SAMD12: variants seen among roughly 807,000 people sequenced by gnomAD.
SAMD12 encodes sterile alpha motif domain containing 12.
A neutral mutation model predicts 15.0 loss-of-function variants in SAMD12; 9 were observed. The observed-to-expected ratio is 0.60, with a 90% CI of 0.36 to 1.05. SAMD12 has a LOEUF of 1.05. Ranked by LOEUF, SAMD12 falls within the 50% of genes least tolerant of loss-of-function variation. The pLI is 0.01. For missense variants in SAMD12, 230 were observed against 234.2 expected, an observed-to-expected ratio of 0.98 and a Z score of 0.12; for synonymous variants, 86 against 90.1, an observed-to-expected ratio of 0.96 and a Z score of 0.25.
chr8:118,507,991 C>CGTT (rs755924168), intron 2 of SAMD12, among the ~76,000 whole-genome samples: 1 of 108,820 alleles, frequency 9.2e-6, no homozygotes, highest in African/African-American at 3.5e-5. Flanking sequence ...GTATAATCTC[C>CGTT]TTTTTTTTTT....
downstream of SAMD12, among the ~76,000 whole-genome samples, chr8:118,189,194 G>A (rs1042586737): frequency 1.3e-5 from 2 of 152,074 alleles, no homozygotes; most frequent in Admixed American, 1.3e-4. Flanking sequence ...CAATTATGCT[G>A]GTGGGATTTG....
chr8:118,547,055 A>T (rs958490081), intron 2 of SAMD12, among the ~76,000 whole-genome samples: 1 of 152,220 alleles, frequency 6.6e-6, no homozygotes, highest in Non-Finnish European at 1.5e-5. Context: ...CTCATTCAGG[A>T]GTAAAGAAAT....
chr8:118,464,117 C>T (rs1039934989), intron 2 of SAMD12, among the ~76,000 whole-genome samples: 1 of 152,290 alleles, frequency 6.6e-6, no homozygotes, highest in African/African-American at 2.4e-5. Flanking sequence ...TATATACTGT[C>T]CTTTACCTTC....
intron 4 of SAMD12, among the ~76,000 whole-genome samples, chr8:118,326,222 T>C (rs6469734): frequency 0.32 from 49,031 of 151,954 alleles, 8,770 homozygotes; most frequent in African/African-American, 0.49. Context: ...ATTGCAGGGA[T>C]TGAAAATGCA....
At chr8:118,224,505 G>A (rs1206183507) in intron 4 of SAMD12, among the ~76,000 whole-genome samples, 2 of 152,026 alleles carry the variant, frequency 1.3e-5, no homozygotes, top group Admixed American at 1.3e-4. Context: ...TTTAAGGATG[G>A]GGCCAATTAC....
chr8:118,543,627 C>CTTTATTTTT (rs1554582437), intron 2 of SAMD12, among the ~76,000 whole-genome samples: 1 of 116,922 alleles, frequency 8.6e-6, no homozygotes, highest in African/African-American at 4.6e-5. Flanking sequence ...TTCTTTCTTT[C>CTTTATTTTT]TTTCTTTTTT....
intron 2 of SAMD12, among the ~76,000 whole-genome samples, chr8:118,454,111 A>G (rs1378454523): frequency 1.3e-4 from 20 of 152,156 alleles, no homozygotes; most frequent in Non-Finnish European, 2.4e-4. Flanking sequence ...GCTGGAACAT[A>G]TTCATAAGCA....
At chr8:118,162,557 C>G in the SAMD12 span, among the ~76,000 whole-genome samples, 146,117 of 152,010 alleles carry the variant, frequency 0.96, 70,392 homozygotes, top group Non-Finnish European at 1. Context: ...ATCCTGATGA[C>G]TTATTCAGGT....
intron 3 of SAMD12, among the ~76,000 whole-genome samples, chr8:118,394,151 T>C (rs894770010): frequency 2.5e-4 from 38 of 152,228 alleles, no homozygotes; most frequent in African/African-American, 9.2e-4. Context: ...AAAGTAACAA[T>C]ATGCTCATCA....
intron 4 of SAMD12, among the ~76,000 whole-genome samples, chr8:118,356,038 C>T (rs556260286): frequency 2.4e-4 from 37 of 152,280 alleles, no homozygotes; most frequent in African/African-American, 7.7e-4. Flanking sequence ...CATTAATCTC[C>T]GCAAAGAACG....
At chr8:118,615,212 C>T (rs1828211442) in intron 1 of SAMD12, among the ~76,000 whole-genome samples, 1 of 152,154 alleles carries the variant, frequency 6.6e-6, no homozygotes, top group Non-Finnish European at 1.5e-5. Flanking sequence ...CCGATTCCCA[C>T]CCATCAAAAT....
intron 2 of SAMD12, among the ~76,000 whole-genome samples, chr8:118,466,313 T>C (rs1294616012): frequency 3.9e-5 from 6 of 152,222 alleles, no homozygotes; most frequent in Admixed American, 6.5e-5. Flanking sequence ...TAACATTTGT[T>C]GAGTACTTAG....
chr8:118,353,435 TAGCGCCCTTGTAAGAAGAGAC>T (rs1417363816), intron 4 of SAMD12, among the ~76,000 whole-genome samples: 1 of 151,978 alleles, frequency 6.6e-6, no homozygotes, highest in Admixed American at 6.6e-5. Context: ...AGAATGAGAT[TAGCGCCCTTGTAAGAAGAGAC>T]AGAAGAGAAA....
intron 2 of SAMD12, among the ~76,000 whole-genome samples, chr8:118,514,230 G>A (rs1479923955): frequency 2.0e-5 from 3 of 152,148 alleles, no homozygotes; most frequent in Non-Finnish European, 4.4e-5. Flanking sequence ...AAGATGGGCT[G>A]AGGGACCACA....
At chr8:118,335,590 T>C (rs7013508) in intron 4 of SAMD12, among the ~76,000 whole-genome samples, 71,049 of 152,038 alleles carry the variant, frequency 0.47, 18,340 homozygotes, top group African/African-American at 0.7. Context: ...TTAAAGTGTG[T>C]GCCGAATCTT....
At chr8:118,271,413 G>A in intron 4 of SAMD12, among the ~76,000 whole-genome samples, 1 of 152,058 alleles carries the variant, frequency 6.6e-6, no homozygotes, top group East Asian at 1.9e-4. Context: ...TACAATTCAA[G>A]ATGAGATTTG....
intron 2 of SAMD12, among the ~76,000 whole-genome samples, chr8:118,473,125 TCAAAGC>T (rs1823853179): frequency 6.6e-6 from 1 of 152,078 alleles, no homozygotes; most frequent in African/African-American, 2.4e-5. Flanking sequence ...CCTGCCTGCT[TCAAAGC>T]AGTTCTGGCA....
At chr8:118,358,443 C>T (rs1818335021) in intron 4 of SAMD12, among the ~76,000 whole-genome samples, 1 of 152,148 alleles carries the variant, frequency 6.6e-6, no homozygotes, top group Non-Finnish European at 1.5e-5. Flanking sequence ...TGCCCTCTCA[C>T]CATAGGTTTT....
At chr8:118,452,205 T>C (rs1823106742) in intron 2 of SAMD12, among the ~76,000 whole-genome samples, 1 of 151,988 alleles carries the variant, frequency 6.6e-6, no homozygotes. Flanking sequence ...TGGGAGAAAA[T>C]ACATTTTGTT....
Sources: gnomAD v4.1 joint callset for allele counts (sites outside exome capture counted in the v4.1 genomes callset) on GRCh38, gnomAD v4.1.1 for gene constraint, MANE v1.5 for transcripts, NCBI Gene and HGNC (gene_info 2026-07-23, HGNC 2026-07-21) for gene names.